Variants in SERINC3 observed in about 807,000 individuals in gnomAD.
SERINC3 encodes serine incorporator 3, also known as tumor differentially expressed protein 1.
SERINC3 carries 22 observed loss-of-function variants against 52.1 expected under a neutral mutation model. The observed-to-expected ratio is 0.42, with a 90% CI of 0.30 to 0.60. SERINC3 has a LOEUF of 0.60. Ranked by LOEUF, SERINC3 falls within the 20% of genes least tolerant of loss-of-function variation. The probability of loss-of-function intolerance (pLI) is 0.16; values close to 1 mark genes in which losing one functional copy is unlikely to be tolerated. For missense variants in SERINC3, 564 were observed against 584.6 expected (o/e 0.96, Z 0.36); for synonymous variants, 226 against 212.7 (o/e 1.06, Z -0.54).
chr20:44,511,278 G>A lies in SERINC3; in HGVS notation c.475+11C>T, dbSNP rs1407781004. Reference sequence around the variant, plus strand: ...TAGTTTAAAATTAACCCCCTCAATGGTGAACCCTACCTGAGCTGAAATAGC... The same window carrying A: ...TAGTTTAAAATTAACCCCCTCAATGATGAACCCTACCTGAGCTGAAATAGC... On this transcript the variant is annotated intron_variant, in intron 4 of 9. Coordinates refer to ENST00000342374, the MANE Select transcript of SERINC3 (RefSeq NM_006811.4). 2 of 1,573,284 alleles carry A rather than the reference G, an allele frequency of 1.3e-6. No individual in the cohort carries two copies. The highest frequency in any genetic ancestry group is 2.7e-5 in the African/African-American group (2 of 73,958).
chr20:44,501,814 A>G lies in SERINC3; in HGVS notation c.1056-514T>C, dbSNP rs563740315. On this transcript the variant is annotated intron_variant, in intron 8 of 9. Coordinates refer to ENST00000342374, the MANE Select transcript of SERINC3 (RefSeq NM_006811.4). ...AATGCCTTAACAGTGACCTTAGTCT[A>G]TGTAATTCTAGCACTACAGATGTTC... is the stretch of plus-strand genomic sequence containing the variant. Among the ~76,000 whole-genome samples, 5 of 152,372 alleles carry G rather than the reference A, an allele frequency of 3.3e-5. No individual in the cohort carries two copies. The East Asian group carries it at 9.6e-4, about 29-fold the overall frequency.
chr20:44,502,869 A>G (rs959903191), intron 8 of SERINC3, among the ~76,000 whole-genome samples: 1 of 152,146 alleles, frequency 6.6e-6, no homozygotes, highest in African/African-American at 2.4e-5. Flanking sequence ...CGTGTGGGAA[A>G]TACAGGCATG....
Position 44,522,020 on chromosome 20 carries a change from G to C in SERINC3, c.-69C>G. On this transcript the variant is annotated 5_prime_UTR_variant, in exon 1 of 10. Coordinates refer to ENST00000342374, the MANE Select transcript of SERINC3 (RefSeq NM_006811.4). Reference sequence around the variant, plus strand: ...TAACACGGTGGTAACTGCCAGCTGAGGTGACTCCCCAGAAACATGACGGTT... The same window carrying C: ...TAACACGGTGGTAACTGCCAGCTGACGTGACTCCCCAGAAACATGACGGTT... The C allele has an allele frequency of 6.8e-7, 1 of 1,472,934 alleles. No individual in the cohort carries two copies. The highest frequency in any genetic ancestry group is 1.2e-5 in the South Asian group (1 of 82,070). The allele number at this position is 1,472,934 out of a possible 1,614,324, so 91.2% of individuals were successfully genotyped here.
intron 9 of SERINC3, 39 bp from the exon 10 acceptor site, chr20:44,500,473 C>A: frequency 6.4e-7 from 1 of 1,551,312 alleles, no homozygotes; most frequent in South Asian, 1.2e-5. Flanking sequence ...AAAGCCTGGT[C>A]TACCTGACTT....
At chr20:44,496,809 A>G (rs984011100), downstream of SERINC3, among the ~76,000 whole-genome samples, 2 of 152,106 alleles carry the variant, frequency 1.3e-5, no homozygotes, top group Admixed American at 1.3e-4. Flanking sequence ...AGAAAAAAGA[A>G]CCAGTTACAG....
Position 44,511,328 on chromosome 20 carries a change from C to T in SERINC3, c.436G>A (p.Val146Ile). ...FKIAALIGIMVGSFYIPGGYF... is the reference protein window; with the variant it reads ...FKIAALIGIMIGSFYIPGGYF... ...CCCCCAGGGATGTAGAAAGAGCCAA[C>T]CATGATTCCAATAAGGGCAGCAATT... The change falls in exon 4 of 10, where the codon GTT becomes ATT. Residue 146 changes from valine (V) to isoleucine (I), a missense_variant. Val to Ile is a conservative substitution (Grantham distance 29). Coordinates refer to ENST00000342374, the MANE Select transcript of SERINC3 (RefSeq NM_006811.4). 6.2e-7 allele frequency: 1 copy of T among 1,613,398 alleles called. No individual in the cohort carries two copies. Among genetic ancestry groups the T allele is most frequent in the East Asian group, 2.2e-5 (1 of 44,880 alleles).
chr20:44,517,988 C>G (rs184218295), intron 1 of SERINC3, among the ~76,000 whole-genome samples: 1 of 152,302 alleles, frequency 6.6e-6, no homozygotes, highest in African/African-American at 2.4e-5. Context: ...CGAATGCCTT[C>G]CCTTTTCCCA....
At chr20:44,516,885 AG>A (rs1485665629) in intron 1 of SERINC3, among the ~76,000 whole-genome samples, 1 of 152,196 alleles carries the variant, frequency 6.6e-6, no homozygotes, top group Non-Finnish European at 1.5e-5. Context: ...ATGCTTGATT[AG>A]GAAACTGCTT....
At chr20:44,511,472 C>A in intron 3 of SERINC3, 104 bp from the exon 4 acceptor site, 1 of 709,358 alleles carries the variant, frequency 1.4e-6, no homozygotes, top group South Asian at 1.8e-5. Flanking sequence ...AGCTTTTTTC[C>A]CAACATGATT....
chr20:44,521,816 C>G, intron 1 of SERINC3, 97 bp downstream of exon 1: 2 of 1,286,440 alleles, frequency 1.6e-6, no homozygotes, highest in South Asian at 2.6e-5. Context: ...CTGCTGACAT[C>G]CCGAGAGCCT....
intron 8 of SERINC3, among the ~76,000 whole-genome samples, chr20:44,503,229 T>A (rs972142676): frequency 1.3e-5 from 2 of 152,188 alleles, no homozygotes; most frequent in African/African-American, 4.8e-5. Context: ...AAATCCCAGC[T>A]ACATATTTTT....
At chr20:44,518,200 C>T (rs1249117574) in intron 1 of SERINC3, among the ~76,000 whole-genome samples, 1 of 151,988 alleles carries the variant, frequency 6.6e-6, no homozygotes, top group Non-Finnish European at 1.5e-5. Flanking sequence ...GTGGCTCACG[C>T]CTGTAATCCC....
At chr20:44,503,079 A>G (rs2064289950) in intron 8 of SERINC3, among the ~76,000 whole-genome samples, 1 of 152,244 alleles carries the variant, frequency 6.6e-6, no homozygotes, top group Non-Finnish European at 1.5e-5. Context: ...CACTGAAAGA[A>G]ATTAAAGACC....
intron 9 of SERINC3, 73 bp from the exon 10 acceptor site, chr20:44,500,507 A>G (rs762933408): frequency 2.9e-5 from 44 of 1,521,998 alleles, no homozygotes; most frequent in Non-Finnish European, 3.7e-5. Flanking sequence ...GCAGCCCCCC[A>G]GCCAAGGCCA....
chr20:44,512,687 T>A, intron 3 of SERINC3, 114 bp downstream of exon 3: 4 of 783,960 alleles, frequency 5.1e-6, no homozygotes, highest in Non-Finnish European at 7.8e-6. Context: ...CAGAAATGCA[T>A]CTGAGCCACT....
intron 1 of SERINC3, 65 bp from the exon 2 acceptor site, chr20:44,514,105 C>T (rs750702805): frequency 6.7e-6 from 10 of 1,501,592 alleles, no homozygotes; most frequent in African/African-American, 1.4e-5. Flanking sequence ...ACACAGATGT[C>T]GCAGAAGAGA....
At position 44,514,019 on chromosome 20, in the gene SERINC3, C is replaced by A. The variant is rs2064364889; in HGVS notation, c.61G>T (p.Ala21Ser). 6 of 1,614,014 alleles carry A rather than the reference C, an allele frequency of 3.7e-6. No individual in the cohort carries two copies. The highest frequency in any genetic ancestry group is 5.1e-6 in the Non-Finnish European group (6 of 1,179,936). The change falls in exon 2 of 10, where the codon GCC (alanine) becomes TCC (serine). Residue 21 changes from alanine to serine, a missense_variant. Transcript: ENST00000342374. ...ASWVPCLCSGASCLLCSCCPN... is the reference protein window; with the variant it reads ...ASWVPCLCSGSSCLLCSCCPN... ...CAGCAACTACACAGCAAACATGAGG[C>A]ACCGCTGCAGAGGCATGGAACCTGG...
chr20:44,508,209 T>G (rs568441463), intron 5 of SERINC3, among the ~76,000 whole-genome samples: 15 of 152,100 alleles, frequency 9.9e-5, no homozygotes, highest in African/African-American at 3.6e-4. Flanking sequence ...AACAGCCGGG[T>G]GTGGTGGCTC....
intron 5 of SERINC3, among the ~76,000 whole-genome samples, chr20:44,508,543 C>T (rs2064328846): frequency 6.6e-6 from 1 of 151,948 alleles, no homozygotes; most frequent in Non-Finnish European, 1.5e-5. Flanking sequence ...TCATTACAAA[C>T]AATTTAAATG....
Sources: allele counts gnomAD v4.1 joint callset (sites outside exome capture counted in the v4.1 genomes callset), GRCh38; gene constraint gnomAD v4.1.1; transcripts MANE v1.5; gene names NCBI Gene and HGNC (gene_info 2026-07-23, HGNC 2026-07-21).